The following CDH8 variants were observed in gnomAD, a reference collection of about 807,000 sequenced individuals.
CDH8 encodes the protein cadherin-8.
CDH8 carries 17 observed loss-of-function variants against 68.1 expected under a neutral mutation model. The observed-to-expected ratio is 0.25, with a 90% CI of 0.17 to 0.37. CDH8 has a LOEUF of 0.37. Ranked by LOEUF, CDH8 falls within the 10% of genes least tolerant of loss-of-function variation. The probability of loss-of-function intolerance (pLI) is 1.00; values close to 1 mark genes in which losing one functional copy is unlikely to be tolerated. For missense variants in CDH8, 763 were observed against 999.3 expected (o/e 0.76, Z 3.19); for synonymous variants, 372 against 365.1 (o/e 1.02, Z -0.21).
chr16:61,958,012 A>G (rs1337245078), intron 2 of CDH8, among the ~76,000 whole-genome samples: 1 of 152,222 alleles, frequency 6.6e-6, no homozygotes, highest in African/African-American at 2.4e-5. Context: ...TGCAATATAA[A>G]TGTGCATTGG....
At position 61,650,305 on chromosome 16, in the gene CDH8, C is replaced by T. The variant is rs1015688315; in HGVS notation, c.*3303G>A. On this transcript the variant is annotated 3_prime_UTR_variant, in exon 12 of 12. Transcript: ENST00000577390. The stretch of plus-strand genomic sequence containing the variant: ...GGCAGAGTAGAGGCTGAATTGATCC[C>T]ATGTTGTGTCCAATCACCCAGGGAT... The T allele has an allele frequency of 6.6e-6, 1 of 151,940 alleles. No homozygotes were observed. The highest frequency in any genetic ancestry group is 2.4e-5 in the African/African-American group (1 of 41,378). The allele number at this position is 151,940 out of a possible 1,614,324, so 9.4% of individuals were successfully genotyped here.
At chr16:61,807,499 C>T (rs1241005493) in intron 7 of CDH8, among the ~76,000 whole-genome samples, 1 of 151,286 alleles carries the variant, frequency 6.6e-6, no homozygotes, top group African/African-American at 2.4e-5. Context: ...AAACAAAAAA[C>T]AAAAACAAAC....
chr16:61,823,228 C>G (rs1962254347), intron 5 of CDH8, among the ~76,000 whole-genome samples: 1 of 151,816 alleles, frequency 6.6e-6, no homozygotes, highest in South Asian at 2.1e-4. Flanking sequence ...GATAAATCAT[C>G]AAAGATACCT....
chr16:61,852,998 A>C (rs1962973251), intron 4 of CDH8, among the ~76,000 whole-genome samples: 1 of 151,900 alleles, frequency 6.6e-6, no homozygotes, highest in African/African-American at 2.4e-5. Context: ...AGGAATGCAT[A>C]GATTTGCAAA....
chr16:61,917,528 C>T (rs912915666), intron 2 of CDH8, among the ~76,000 whole-genome samples: 4 of 152,186 alleles, frequency 2.6e-5, no homozygotes, highest in African/African-American at 4.8e-5. Flanking sequence ...CATGCACAGA[C>T]GAGACTTCAT....
intron 8 of CDH8, 138 bp from the exon 9 acceptor site, chr16:61,727,353 G>A (rs563873222): frequency 1.9e-5 from 15 of 794,404 alleles, no homozygotes; most frequent in Non-Finnish European, 2.3e-5. Flanking sequence ...TATAGAGTCT[G>A]ACCAAATAAG....
At chr16:61,831,684 A>G (rs1962458120) in intron 4 of CDH8, among the ~76,000 whole-genome samples, 1 of 151,788 alleles carries the variant, frequency 6.6e-6, no homozygotes, top group Admixed American at 6.6e-5. Flanking sequence ...TTTCTGTGAT[A>G]TCACCAGATT....
chr16:61,947,597 TA>T (rs963257296), intron 2 of CDH8, among the ~76,000 whole-genome samples: 1 of 152,180 alleles, frequency 6.6e-6, no homozygotes, highest in Non-Finnish European at 1.5e-5. Flanking sequence ...TGAGGGAAAG[TA>T]AAAAACATTT....
intron 2 of CDH8, among the ~76,000 whole-genome samples, chr16:62,005,573 T>C (rs935905997): frequency 6.6e-5 from 10 of 151,696 alleles, no homozygotes; most frequent in Non-Finnish European, 1.2e-4. Flanking sequence ...CCATCTCTAC[T>C]AAAAATACAA....
intron 2 of CDH8, among the ~76,000 whole-genome samples, chr16:61,917,569 G>A (rs933193529): frequency 6.6e-6 from 1 of 152,172 alleles, no homozygotes; most frequent in African/African-American, 2.4e-5. Flanking sequence ...GAGCCTTGGA[G>A]ATAGGCTCAT....
At chr16:61,897,602 A>G (rs1461718147) in intron 3 of CDH8, among the ~76,000 whole-genome samples, 1 of 152,246 alleles carries the variant, frequency 6.6e-6, no homozygotes, top group Non-Finnish European at 1.5e-5. Context: ...CACACAATCA[A>G]TAGATATAGG....
chr16:61,971,805 G>A (rs56391958), intron 2 of CDH8, among the ~76,000 whole-genome samples: 30,837 of 152,058 alleles, frequency 0.2, 5,595 homozygotes, highest in African/African-American at 0.49. Flanking sequence ...ACAAAAAGAC[G>A]TCACTTTGGA....
chr16:61,918,364 C>G (rs953082497), intron 2 of CDH8: 1 of 157,448 alleles, frequency 6.4e-6, no homozygotes. Context: ...GCGTGAGCGA[C>G]GCAGAAGACG....
intron 3 of CDH8, among the ~76,000 whole-genome samples, chr16:61,862,253 C>A (rs1963164676): frequency 6.6e-6 from 1 of 151,646 alleles, no homozygotes; most frequent in African/African-American, 2.4e-5. Flanking sequence ...GCTCTGAGAG[C>A]AAAAATAAAA....
intron 8 of CDH8, among the ~76,000 whole-genome samples, chr16:61,782,714 G>T (rs1338764261): frequency 6.6e-6 from 1 of 152,124 alleles, no homozygotes; most frequent in African/African-American, 2.4e-5. Context: ...AGAGAGCAGT[G>T]GGTCTCCCAG....
intron 4 of CDH8, among the ~76,000 whole-genome samples, chr16:61,841,914 G>A (rs1962691528): frequency 6.6e-6 from 1 of 152,128 alleles, no homozygotes; most frequent in Non-Finnish European, 1.5e-5. Flanking sequence ...TGGAGACGGA[G>A]TCTTGCTCTG....
At chr16:61,729,094 C>CA (rs1033390607) in intron 8 of CDH8, among the ~76,000 whole-genome samples, 1 of 151,028 alleles carries the variant, frequency 6.6e-6, no homozygotes, top group Non-Finnish European at 1.5e-5. Flanking sequence ...TCAATCTGCA[C>CA]AAAAAATCTA....
At chr16:61,727,264 C>T (rs1279413105) in intron 8 of CDH8, 49 bp from the exon 9 acceptor site, 3 of 1,533,264 alleles carry the variant, frequency 2.0e-6, no homozygotes, top group Admixed American at 2.0e-5. Flanking sequence ...TTCATTTTAA[C>T]GTGCAACTCA....
intron 9 of CDH8, among the ~76,000 whole-genome samples, chr16:61,719,419 A>C (rs969295650): frequency 1.3e-5 from 2 of 151,048 alleles, no homozygotes; most frequent in African/African-American, 4.8e-5. Context: ...CTAGGATTCC[A>C]GAAGAATGCG....
Sources: gnomAD v4.1 joint callset for allele counts (sites outside exome capture counted in the v4.1 genomes callset) on GRCh38, gnomAD v4.1.1 for gene constraint, MANE v1.5 for transcripts, NCBI Gene and HGNC (gene_info 2026-07-23, HGNC 2026-07-21) for gene names.